NR2F1-AS1: variants seen among roughly 807,000 people sequenced by gnomAD.
The protein encoded by NR2F1-AS1 is NR2F1 antisense RNA 1.
intron 4 of NR2F1-AS1, among the ~76,000 whole-genome samples, chr5:93,511,895 C>A (rs1323618494): frequency 1.3e-5 from 2 of 152,152 alleles, no homozygotes. Flanking sequence ...GCCCCATCAT[C>A]CCTGGTCCAC....
At chr5:93,443,621 A>G (rs532528631) in intron 4 of NR2F1-AS1, among the ~76,000 whole-genome samples, 1 of 152,352 alleles carries the variant, frequency 6.6e-6, no homozygotes, top group African/African-American at 2.4e-5. Flanking sequence ...GTTGGAAAAC[A>G]TGCTTCAGGA....
chr5:93,506,634 C>T (rs1751190700), intron 4 of NR2F1-AS1, among the ~76,000 whole-genome samples: 1 of 152,102 alleles, frequency 6.6e-6, no homozygotes, highest in Non-Finnish European at 1.5e-5. Context: ...CATCATATTT[C>T]GTGAGACTTA....
intron 4 of NR2F1-AS1, among the ~76,000 whole-genome samples, chr5:93,459,313 C>G (rs541404178): frequency 6.6e-6 from 1 of 151,742 alleles, no homozygotes; most frequent in Non-Finnish European, 1.5e-5. Flanking sequence ...AGAAAATAAG[C>G]GCATGAAAAC....
intron 4 of NR2F1-AS1, among the ~76,000 whole-genome samples, chr5:93,532,377 A>C (rs566945794): frequency 6.6e-6 from 1 of 151,696 alleles, no homozygotes; most frequent in South Asian, 2.1e-4. Flanking sequence ...TTGCATTTTT[A>C]TAACTTTCAG....
upstream of NR2F1-AS1, among the ~76,000 whole-genome samples, chr5:93,581,961 GTCTCTCTCTCTCTCCTC>G (rs1561520500): frequency 1.7e-5 from 1 of 60,060 alleles, no homozygotes; most frequent in Admixed American, 2.1e-4. Context: ...CTCTCTCTGG[GTCTCTCTCTCTCTCCTC>G]TCTCTCTCTC....
At chr5:93,437,393 A>G (rs2149849689) in intron 4 of NR2F1-AS1, among the ~76,000 whole-genome samples, 1 of 152,344 alleles carries the variant, frequency 6.6e-6, no homozygotes, top group South Asian at 2.1e-4. Context: ...TATAAAAATT[A>G]ATTTCACTTG....
At chr5:93,453,088 C>A (rs1749872293) in intron 4 of NR2F1-AS1, among the ~76,000 whole-genome samples, 1 of 151,804 alleles carries the variant, frequency 6.6e-6, no homozygotes, top group South Asian at 2.1e-4. Context: ...TTCAAGAATG[C>A]AGTAGAAAAC....
intron 4 of NR2F1-AS1, among the ~76,000 whole-genome samples, chr5:93,483,004 G>A (rs1012123334): frequency 1.3e-5 from 2 of 152,196 alleles, no homozygotes; most frequent in African/African-American, 4.8e-5. Flanking sequence ...TAGGGGAAGG[G>A]GCAGCTGTGG....
chr5:93,526,219 T>G (rs1751611468), intron 4 of NR2F1-AS1, among the ~76,000 whole-genome samples: 1 of 152,170 alleles, frequency 6.6e-6, no homozygotes, highest in African/African-American at 2.4e-5. Flanking sequence ...CAGAATGCTA[T>G]AAATACCTCT....
intron 1 of NR2F1-AS1, among the ~76,000 whole-genome samples, chr5:93,568,999 T>C (rs1021809920): frequency 6.6e-6 from 1 of 152,196 alleles, no homozygotes; most frequent in African/African-American, 2.4e-5. Flanking sequence ...ATTGAGCTTA[T>C]GGTGAAAAAG....
intron 4 of NR2F1-AS1, among the ~76,000 whole-genome samples, chr5:93,415,965 C>T (rs1428134857): frequency 6.6e-6 from 1 of 152,196 alleles, no homozygotes; most frequent in Non-Finnish European, 1.5e-5. Context: ...TTTCATTTCA[C>T]CACAAGTGGT....
At chr5:93,530,922 G>A (rs1315416107) in intron 4 of NR2F1-AS1, among the ~76,000 whole-genome samples, 1 of 152,110 alleles carries the variant, frequency 6.6e-6, no homozygotes, top group Non-Finnish European at 1.5e-5. Flanking sequence ...TAAAAAAGGA[G>A]TAAATGTTTT....
chr5:93,577,872 A>AT (rs1323706954), intron 1 of NR2F1-AS1, among the ~76,000 whole-genome samples: 1 of 152,166 alleles, frequency 6.6e-6, no homozygotes, highest in African/African-American at 2.4e-5. Context: ...GAATAATACC[A>AT]TTTTTAACGA....
At chr5:93,472,904 C>A (rs979145752) in intron 4 of NR2F1-AS1, among the ~76,000 whole-genome samples, 5 of 151,914 alleles carry the variant, frequency 3.3e-5, no homozygotes, top group African/African-American at 1.2e-4. Flanking sequence ...ATTTAAATAA[C>A]CTGCTAAAAT....
intron 4 of NR2F1-AS1, among the ~76,000 whole-genome samples, chr5:93,464,289 T>C (rs527542476): frequency 2.6e-5 from 4 of 152,322 alleles, no homozygotes; most frequent in Admixed American, 2.6e-4. Context: ...ATGTGCCTTT[T>C]ACCTTCAGCC....
At chr5:93,525,116 C>T (rs551643933) in intron 4 of NR2F1-AS1, among the ~76,000 whole-genome samples, 1 of 152,112 alleles carries the variant, frequency 6.6e-6, no homozygotes, top group African/African-American at 2.4e-5. Flanking sequence ...GGAGACCCAT[C>T]TCATGTGAAA....
chr5:93,420,092 A>T (rs1003467521), intron 4 of NR2F1-AS1, among the ~76,000 whole-genome samples: 9 of 152,182 alleles, frequency 5.9e-5, no homozygotes, highest in African/African-American at 2.2e-4. Context: ...GCTATTCGGA[A>T]GGCAGAGGCA....
At chr5:93,478,741 T>C (rs6556823) in intron 4 of NR2F1-AS1, among the ~76,000 whole-genome samples, 26,187 of 152,080 alleles carry the variant, frequency 0.17, 3,507 homozygotes, top group African/African-American at 0.38. Flanking sequence ...AATAGGAAAA[T>C]CCTGTAGCAT....
intron 4 of NR2F1-AS1, among the ~76,000 whole-genome samples, chr5:93,515,059 T>C (rs1751373931): frequency 6.6e-6 from 1 of 151,934 alleles, no homozygotes; most frequent in African/African-American, 2.4e-5. Flanking sequence ...AGCTTCTTAG[T>C]TCCCAAAGTC....
Sources: allele counts gnomAD v4.1 joint callset (sites outside exome capture counted in the v4.1 genomes callset), GRCh38; gene constraint gnomAD v4.1.1; transcripts MANE v1.5; gene names NCBI Gene and HGNC (gene_info 2026-07-23, HGNC 2026-07-21).